Variants in LRRK1 observed in about 807,000 individuals in gnomAD.
LRRK1 encodes the protein leucine-rich repeat serine/threonine-protein kinase 1.
In LRRK1, 113 loss-of-function variants were observed where a neutral mutation model predicts 209.1. That is an observed-to-expected ratio of 0.54 (90% CI 0.46 to 0.63). The LOEUF (loss-of-function observed/expected upper bound fraction) is 0.63, where lower values mean the gene tolerates loss of function less well. Among genes scored for constraint, LRRK1 ranks in the 30% least tolerant of loss-of-function variants. The pLI is 0.00. For synonymous variants in LRRK1, 1,144 were observed against 1,099.7 expected, an observed-to-expected ratio of 1.04 and a Z score of -0.80; for missense variants, 2,284 against 2,632.2, an observed-to-expected ratio of 0.87 and a Z score of 2.89.
intron 6 of LRRK1, among the ~76,000 whole-genome samples, chr15:100,991,624 C>A (rs2032160439): frequency 1.3e-5 from 2 of 152,064 alleles, no homozygotes. Context: ...ACTAGAATTC[C>A]TCAATACTTT....
chr15:100,992,433 C>T (rs1038216343), intron 6 of LRRK1, among the ~76,000 whole-genome samples: 1 of 152,022 alleles, frequency 6.6e-6, no homozygotes, highest in Admixed American at 6.5e-5. Flanking sequence ...TCATTCTTTT[C>T]TTCTATATCT....
chr15:101,005,929 C>T (rs2032928017), intron 6 of LRRK1, among the ~76,000 whole-genome samples: 1 of 152,194 alleles, frequency 6.6e-6, no homozygotes, highest in East Asian at 1.9e-4. Flanking sequence ...AAAACTTTCT[C>T]ATTGCAACCA....
chr15:101,048,772 C>T (rs1191918067), intron 22 of LRRK1, 115 bp downstream of exon 22: 11 of 848,178 alleles, frequency 1.3e-5, no homozygotes, highest in East Asian at 3.0e-5. Flanking sequence ...CTCGTGAGAG[C>T]GGCTCGTCAT....
Position 101,022,840 on chromosome 15 carries a change from G to T in LRRK1, c.2067+243G>T, listed in dbSNP as rs1266453055. ...TCTTTTTTTTTTTTCTTGAGACAGG[G>T]TTTCACTGTGTCTCTCAGGCTGGAT... On this transcript the variant is annotated intron_variant, in intron 15 of 33. Coordinates refer to ENST00000388948, the MANE Select transcript of LRRK1 (RefSeq NM_024652.6). This position sits in a 1 kb window ranked among gnomAD's most constrained non-coding sequence, Gnocchi z 4.0. Among the ~76,000 whole-genome samples, 2 of 151,186 alleles carry T rather than the reference G, an allele frequency of 1.3e-5. No individual in the cohort carries two copies. The highest frequency in any genetic ancestry group is 2.9e-5 in the Non-Finnish European group (2 of 67,846).
At chr15:100,968,233 G>A (rs1024171070) in intron 2 of LRRK1, among the ~76,000 whole-genome samples, 2 of 152,134 alleles carry the variant, frequency 1.3e-5, no homozygotes, top group Non-Finnish European at 2.9e-5. Flanking sequence ...ACTGTACCAC[G>A]GTTTGTTTAT....
At chr15:100,953,555 T>C (rs1388817497) in intron 2 of LRRK1, among the ~76,000 whole-genome samples, 1 of 151,690 alleles carries the variant, frequency 6.6e-6, no homozygotes, top group African/African-American at 2.4e-5. Context: ...TATATGTATA[T>C]AAGCCATATT....
In LRRK1 at chr15:101,027,761, G is replaced by C. The variant is rs758457191; in HGVS notation, c.2650G>C (p.Asp884His). Residue 884 changes from aspartate to histidine, a missense_variant, in exon 19 of 34, where the codon GAC (aspartate) becomes CAC (histidine). Asp to His is a moderately conservative substitution (Grantham distance 81, BLOSUM62 -1). Transcript: ENST00000388948. This position sits in a 1 kb window ranked among gnomAD's most constrained non-coding sequence, Gnocchi z 5.1. ...QLEQLVEQTP[D>H]NDIKDYEDLQ... ...GGAGCAGCTGGTGGAGCAGACGCCC[G>C]ACAACGACATCAAGGACTACGAGGA... is the stretch of plus-strand genomic sequence containing the variant. 4 of 1,600,770 alleles carry C rather than the reference G, an allele frequency of 2.5e-6. No individual in the cohort carries two copies. In the African/African-American group the frequency reaches 5.4e-5, roughly 21 times the overall value.
chr15:101,026,299 A>C (rs1460044831), intron 17 of LRRK1, among the ~76,000 whole-genome samples, 162 bp downstream of exon 17: 1 of 152,246 alleles, frequency 6.6e-6, no homozygotes, highest in Non-Finnish European at 1.5e-5. Context: ...GGGGAGGGTG[A>C]AGACCTACCA....
intron 2 of LRRK1, among the ~76,000 whole-genome samples, chr15:100,933,791 C>T (rs1330110457): frequency 2.8e-5 from 4 of 142,014 alleles, no homozygotes; most frequent in Non-Finnish European, 6.0e-5. Flanking sequence ...CACTCCACTC[C>T]AGCCTGGGCC....
At chr15:100,946,847 C>T (rs569123926) in intron 2 of LRRK1, among the ~76,000 whole-genome samples, 1 of 152,336 alleles carries the variant, frequency 6.6e-6, no homozygotes, top group African/African-American at 2.4e-5. Flanking sequence ...TAGCAAAGCC[C>T]TTCTTAAGTG....
intron 6 of LRRK1, among the ~76,000 whole-genome samples, chr15:101,003,423 T>A (rs12909467): frequency 0.13 from 19,972 of 152,154 alleles, 1,447 homozygotes; most frequent in African/African-American, 0.19. Flanking sequence ...ACCCTCTGTA[T>A]TATTCTCTTT....
At position 100,973,942 on chromosome 15, in the gene LRRK1, A is replaced by G. The variant is rs1249255322; in HGVS notation, c.236A>G (p.Asp79Gly). 5.6e-6 allele frequency: 7 copies of G among 1,259,250 alleles called. No individual in the cohort carries two copies. Among genetic ancestry groups the G allele is most frequent in the Non-Finnish European group, 7.0e-6 (7 of 996,366 alleles). The allele number at this position is 1,259,250 out of a possible 1,614,324, so 78.0% of individuals were successfully genotyped here. A position where few individuals can be genotyped will look rare whatever the true frequency, so the allele number is the denominator to read the frequency against. Residue 79 changes from aspartate (D) to glycine (G), a missense_variant, in exon 3 of 34, where the codon GAC (aspartate) becomes GGC (glycine). By Grantham distance (94) the Asp-to-Gly change is moderately conservative. Transcript: ENST00000388948. ...GARDLLEEAC[D>G]QCASQLEKGQ... is the part of the protein sequence containing the mutation. ...CGGGACCTGCTGGAGGAGGCCTGCG[A>G]CCAGTGCGCGTCCCAGCTGGAAAAG... is the stretch of plus-strand genomic sequence containing the variant.
intron 2 of LRRK1, among the ~76,000 whole-genome samples, chr15:100,934,626 CAAAAAAAAAAA>C (rs71151991): frequency 1.2e-4 from 9 of 72,376 alleles, no homozygotes; most frequent in East Asian, 3.4e-4. Context: ...CCCATCTCTA[CAAAAAAAAAAA>C]AAAAAAAAAA....
chr15:100,992,568 T>C (rs2032202210), intron 6 of LRRK1, among the ~76,000 whole-genome samples: 1 of 152,260 alleles, frequency 6.6e-6, no homozygotes, highest in South Asian at 2.1e-4. Flanking sequence ...TGATAGATTT[T>C]TTAAAATTAC....
chr15:101,000,996 G>A (rs11631957), intron 6 of LRRK1, among the ~76,000 whole-genome samples: 4,626 of 152,190 alleles, frequency 0.03, 94 homozygotes, highest in South Asian at 0.06. Context: ...TCATCCTCCC[G>A]TTTTCAATGC....
chr15:100,996,875 C>T lies in LRRK1; in HGVS notation c.762+7477C>T, dbSNP rs138425171. 2.8e-3 allele frequency among the ~76,000 whole-genome samples: 428 copies of T among 152,204 alleles called. 3 individuals carry two copies. The highest frequency in any genetic ancestry group is 9.7e-3 in the African/African-American group (401 of 41,520). Reference sequence around the variant, plus strand: ...AGAAACAGAAAAACTATTATTTGAACTTCAGTGACAAACTAGAAGACGTAA... The same window carrying T: ...AGAAACAGAAAAACTATTATTTGAATTTCAGTGACAAACTAGAAGACGTAA... On this transcript the variant is annotated intron_variant, in intron 6 of 33. Coordinates refer to ENST00000388948, the MANE Select transcript of LRRK1 (RefSeq NM_024652.6).
intron 31 of LRRK1, among the ~76,000 whole-genome samples, chr15:101,062,938 G>A (rs2036274878): frequency 6.6e-6 from 1 of 152,138 alleles, no homozygotes; most frequent in Non-Finnish European, 1.5e-5. Context: ...CCTTTCACAT[G>A]CAAATGCCCT....
At chr15:100,985,733 A>G (rs1462504268) in intron 4 of LRRK1, among the ~76,000 whole-genome samples, 2 of 152,176 alleles carry the variant, frequency 1.3e-5, no homozygotes, top group Non-Finnish European at 2.9e-5. Context: ...CTTCAGCTCA[A>G]CTCTGAGCAA....
At position 101,055,085 on chromosome 15, in the gene LRRK1, C is replaced by T. The variant is rs77209958; in HGVS notation, c.4194C>T (p.Asp1398=). 1.2e-4 allele frequency: 198 copies of T among 1,614,194 alleles called. No individual in the cohort carries two copies. In the East Asian group the frequency reaches 3.7e-3, roughly 30 times the overall value. The change falls in exon 27 of 34, where the codon GAC becomes GAT. Residue 1398 remains aspartate (D), a synonymous_variant. Transcript: ENST00000388948. ...KSDNILVWSL[D]VKEHINIKLS... is the part of the protein sequence containing the mutation. ...ACAACATTCTGGTGTGGTCCCTTGA[C>T]GTCAAGGAGCACATCAACATCAAGC...
Sources: allele counts gnomAD v4.1 joint callset (sites outside exome capture counted in the v4.1 genomes callset), GRCh38; gene constraint gnomAD v4.1.1; non-coding constraint Gnocchi (gnomAD v3.1); transcripts MANE v1.5; gene names NCBI Gene and HGNC (gene_info 2026-07-23, HGNC 2026-07-21).